Variants in PLCB1 observed in about 807,000 individuals in gnomAD.
PLCB1 encodes 1-phosphatidylinositol 4,5-bisphosphate phosphodiesterase beta-1.
In PLCB1, 46 loss-of-function variants were observed where a neutral mutation model predicts 161.8. The observed-to-expected ratio is 0.28, with a 90% CI of 0.22 to 0.36. PLCB1 has a LOEUF of 0.36. Ranked by LOEUF, PLCB1 falls within the 10% of genes least tolerant of loss-of-function variation. PLCB1 has a pLI of 1.00. For synonymous variants in PLCB1, 517 were observed against 503.7 expected (o/e 1.03, Z -0.35); for missense variants, 1,016 against 1,472.5 (o/e 0.69, Z 5.07).
At position 8,132,465 on chromosome 20, in the gene PLCB1, G is replaced by T; in HGVS notation, c.-187G>T. 1 of 333,540 alleles carries T rather than the reference G, an allele frequency of 3.0e-6. No individual in the cohort carries two copies. Among genetic ancestry groups the T allele is most frequent in the East Asian group, 4.7e-5 (1 of 21,234 alleles). The allele number at this position is 333,540 out of a possible 1,614,324, so 20.7% of individuals were successfully genotyped here. A position where few individuals can be genotyped will look rare whatever the true frequency, so the allele number is the denominator to read the frequency against. ...GCATGGCCGGGCGCTGCGCCCCCGC[G>T]CGCTCTGCCTGCTGAGCGGCGCCGG... is the stretch of plus-strand genomic sequence containing the variant. On this transcript the variant is annotated 5_prime_UTR_variant, in exon 1 of 32. Coordinates refer to ENST00000338037, the MANE Select transcript of PLCB1 (RefSeq NM_015192.4). The surrounding 1 kb of genome is among the most constrained non-coding windows in gnomAD (Gnocchi z 5.2).
At chr20:8,635,799 G>T (rs968882524) in intron 4 of PLCB1, among the ~76,000 whole-genome samples, 1 of 152,134 alleles carries the variant, frequency 6.6e-6, no homozygotes, top group Non-Finnish European at 1.5e-5. Flanking sequence ...ACAAGTGAAG[G>T]GTTCTGCTAA....
chr20:8,725,592 C>T (rs1203246778), intron 16 of PLCB1, among the ~76,000 whole-genome samples: 1 of 152,138 alleles, frequency 6.6e-6, no homozygotes, highest in African/African-American at 2.4e-5. Context: ...TAGATCTCTA[C>T]AACAAAGAAT....
rs1482730343 is a variant in PLCB1 at position 8,647,964 on chromosome 20, T to C, written c.518+11T>C. 6.5e-7 allele frequency: 1 copy of C among 1,541,544 alleles called. No individual in the cohort carries two copies. Among genetic ancestry groups the C allele is most frequent in the Non-Finnish European group, 8.8e-7 (1 of 1,142,222 alleles). ...TATTCCTCTCAAAAAGTAAGCTTTG[T>C]GAGCATTTCTCATTATTCATTTTAT... On this transcript the variant is annotated intron_variant, in intron 6 of 31. Transcript: ENST00000338037.
chr20:8,171,013 T>C (rs147484913), intron 2 of PLCB1, among the ~76,000 whole-genome samples: 2 of 152,204 alleles, frequency 1.3e-5, no homozygotes, highest in Non-Finnish European at 2.9e-5. Flanking sequence ...TTATTTTCTA[T>C]TCTGATTCTC....
At chr20:8,631,556 C>CCG (rs1988589747) in intron 4 of PLCB1, among the ~76,000 whole-genome samples, 1 of 152,194 alleles carries the variant, frequency 6.6e-6, no homozygotes, top group Non-Finnish European at 1.5e-5. Context: ...TCTTGCAGAG[C>CCG]AGAATCAGCA....
rs1286566962 is a variant in PLCB1, at chr20:8,646,144, G to A, written c.427G>A (p.Ala143Thr). 3 of 1,613,688 alleles carry A rather than the reference G, an allele frequency of 1.9e-6. No individual in the cohort carries two copies. Among genetic ancestry groups the A allele is most frequent in the Non-Finnish European group, 2.5e-6 (3 of 1,179,606 alleles). ...TTTCAGTTTGGCAACAAACCTGCTG[G>A]CCCAAAACATGTCCAGGGATGCATT... ...EVFSLATNLL[A>T]QNMSRDAFLE... The change falls in exon 5 of 32, where the codon GCC becomes ACC. Residue 143 changes from alanine to threonine, a missense_variant. By Grantham distance (58) the Ala-to-Thr change is moderately conservative. Around this residue, in one of 10 missense-constraint regions of PLCB1, gnomAD observed 181 missense variants for 236.7 expected, o/e 0.76. Transcript: ENST00000338037.
chr20:8,375,482 CA>C (rs1451897761), intron 3 of PLCB1, among the ~76,000 whole-genome samples: 10 of 152,094 alleles, frequency 6.6e-5, no homozygotes, highest in African/African-American at 2.4e-4. Context: ...TTGTCTTGTA[CA>C]GAAAAAGTTG....
At chr20:8,465,530 G>A (rs1981779582) in intron 3 of PLCB1, among the ~76,000 whole-genome samples, 1 of 152,082 alleles carries the variant, frequency 6.6e-6, no homozygotes, top group Non-Finnish European at 1.5e-5. Context: ...CTTTTTCTCT[G>A]ATTGCTCCAA....
At chr20:8,817,756 CAA>C (rs1449528420) in intron 31 of PLCB1, among the ~76,000 whole-genome samples, 1 of 151,820 alleles carries the variant, frequency 6.6e-6, no homozygotes, top group African/African-American at 2.4e-5. Context: ...TGAGAAAGAG[CAA>C]AAATAACAGA....
intron 2 of PLCB1, among the ~76,000 whole-genome samples, chr20:8,174,496 A>G (rs2051763082): frequency 1.3e-5 from 2 of 152,226 alleles, no homozygotes; most frequent in African/African-American, 4.8e-5. Context: ...GAAAGTATAG[A>G]AGAAGGAAAC....
At chr20:8,452,970 C>T (rs1266928260) in intron 3 of PLCB1, among the ~76,000 whole-genome samples, 4 of 152,184 alleles carry the variant, frequency 2.6e-5, no homozygotes, top group African/African-American at 9.7e-5. Context: ...TGCCAGAATT[C>T]CAGCTATGAG....
At chr20:8,223,970 G>A (rs1244602588) in intron 2 of PLCB1, among the ~76,000 whole-genome samples, 2 of 152,160 alleles carry the variant, frequency 1.3e-5, no homozygotes, top group Non-Finnish European at 2.9e-5. Context: ...GTGAGGTTAA[G>A]GGAATTTTTC....
intron 3 of PLCB1, among the ~76,000 whole-genome samples, chr20:8,419,553 T>G (rs1979447256): frequency 1.3e-5 from 2 of 152,228 alleles, no homozygotes; most frequent in Admixed American, 6.5e-5. Flanking sequence ...TATTCACATT[T>G]CACTATAAAA....
chr20:8,241,186 A>G (rs1413954989), intron 2 of PLCB1, among the ~76,000 whole-genome samples: 1 of 151,996 alleles, frequency 6.6e-6, no homozygotes, highest in Non-Finnish European at 1.5e-5. Flanking sequence ...TGTAAGAAAA[A>G]TATGCATAGT....
At chr20:8,186,392 G>A (rs1168919467) in intron 2 of PLCB1, among the ~76,000 whole-genome samples, 1 of 152,110 alleles carries the variant, frequency 6.6e-6, no homozygotes, top group Non-Finnish European at 1.5e-5. Flanking sequence ...GATGTTAATT[G>A]ATGTTGTCTT....
chr20:8,585,627 T>C (rs1285761507), intron 3 of PLCB1, among the ~76,000 whole-genome samples: 1 of 152,186 alleles, frequency 6.6e-6, no homozygotes, highest in East Asian at 1.9e-4. Flanking sequence ...GACGTGATGC[T>C]TTTTCTTTTT....
At chr20:8,658,845 TG>T in intron 9 of PLCB1, 141 bp downstream of exon 9, 1 of 673,254 alleles carries the variant, frequency 1.5e-6, no homozygotes, top group Non-Finnish European at 2.5e-6. Context: ...AATCACTTGG[TG>T]GTTCAGTGCA....
intron 9 of PLCB1, among the ~76,000 whole-genome samples, chr20:8,680,411 A>T (rs573958333): frequency 6.6e-6 from 1 of 152,190 alleles, no homozygotes; most frequent in African/African-American, 2.4e-5. Context: ...GCTGACACCT[A>T]CAAGATTACA....
chr20:8,620,971 C>G (rs1301488795), intron 3 of PLCB1, among the ~76,000 whole-genome samples: 1 of 152,030 alleles, frequency 6.6e-6, no homozygotes. Flanking sequence ...CTAACTATAG[C>G]ACAGTACCAT....
Sources: allele counts gnomAD v4.1 joint callset (sites outside exome capture counted in the v4.1 genomes callset), GRCh38; gene constraint gnomAD v4.1.1; regional missense constraint gnomAD v4.1.1; non-coding constraint Gnocchi (gnomAD v3.1); transcripts MANE v1.5; gene names NCBI Gene and HGNC (gene_info 2026-07-23, HGNC 2026-07-21).